GABRB2: variants seen among roughly 807,000 people sequenced by gnomAD.
The protein encoded by GABRB2 is gamma-aminobutyric acid type A receptor subunit beta2, also known as gamma-aminobutyric acid receptor subunit beta-2.
GABRB2 carries 16 observed loss-of-function variants against 54.7 expected under a neutral mutation model. The ratio of observed to expected loss-of-function variants is 0.29; its 90% CI spans 0.20 to 0.44. The LOEUF (loss-of-function observed/expected upper bound fraction) is 0.44, where lower values mean the gene tolerates loss of function less well. GABRB2 is among the 20% of genes least tolerant of loss of function. The probability of loss-of-function intolerance (pLI) is 1.00; values close to 1 mark genes in which losing one functional copy is unlikely to be tolerated. For missense variants in GABRB2, 355 were observed against 644.0 expected, an observed-to-expected ratio of 0.55 and a Z score of 4.86; for synonymous variants, 244 against 233.8, an observed-to-expected ratio of 1.04 and a Z score of -0.40.
At chr5:161,471,167 G>A (rs180837541) in intron 3 of GABRB2, among the ~76,000 whole-genome samples, 14 of 152,030 alleles carry the variant, frequency 9.2e-5, no homozygotes, top group African/African-American at 3.4e-4. Flanking sequence ...TCCCACAGCT[G>A]GGAATAAGGA....
At chr5:161,543,074 A>C (rs1267425110) in intron 3 of GABRB2, among the ~76,000 whole-genome samples, 1 of 152,260 alleles carries the variant, frequency 6.6e-6, no homozygotes, top group Admixed American at 6.5e-5. Context: ...TGGGTGTAGC[A>C]TAAGGCTAAG....
At chr5:161,465,752 C>T in intron 3 of GABRB2, among the ~76,000 whole-genome samples, 1 of 152,056 alleles carries the variant, frequency 6.6e-6, no homozygotes, top group Non-Finnish European at 1.5e-5. Flanking sequence ...CATACACACA[C>T]ATACATATAC....
intron 5 of GABRB2, among the ~76,000 whole-genome samples, chr5:161,368,905 G>A (rs1159890176): frequency 6.6e-6 from 1 of 152,114 alleles, no homozygotes; most frequent in East Asian, 1.9e-4. Flanking sequence ...TTTACTTAAG[G>A]TAAAGGCTTC....
intron 9 of GABRB2, among the ~76,000 whole-genome samples, chr5:161,316,769 G>T (rs1368475768): frequency 1.3e-5 from 2 of 151,914 alleles, no homozygotes; most frequent in African/African-American, 2.4e-5. Flanking sequence ...CTGCCATTAT[G>T]CCTGGCTAAT....
rs1758134691 is a variant in GABRB2, at chr5:161,462,154, AT to A, written c.238-2311del. ...AAACTTCTATCCTATCAAAAGACAT[AT>A]TAATATCCTAAATGTGTATCAAATA... On this transcript the variant is annotated intron_variant, in intron 3 of 9. Transcript: ENST00000393959. Among the ~76,000 whole-genome samples the A allele has an allele frequency of 5.3e-5, 8 of 152,288 alleles. No homozygotes were observed. In the South Asian group the frequency reaches 1.7e-3, roughly 32 times the overall value.
At chr5:161,482,753 AT>A (rs1201206233) in intron 3 of GABRB2, among the ~76,000 whole-genome samples, 1 of 152,134 alleles carries the variant, frequency 6.6e-6, no homozygotes, top group Non-Finnish European at 1.5e-5. Context: ...GACAAGGCTA[AT>A]AAAATACTAT....
intron 4 of GABRB2, among the ~76,000 whole-genome samples, chr5:161,437,596 G>C (rs1334080577): frequency 6.6e-6 from 1 of 152,028 alleles, no homozygotes; most frequent in African/African-American, 2.4e-5. Context: ...GTGGGCTCTT[G>C]GGGTCCCCTA....
chr5:161,302,484 C>G (rs995098971), intron 9 of GABRB2, among the ~76,000 whole-genome samples: 3 of 152,084 alleles, frequency 2.0e-5, no homozygotes, highest in Admixed American at 1.3e-4. Flanking sequence ...AAAAACAACT[C>G]AAATCCCTCA....
At chr5:161,371,748 G>T (rs749878349) in intron 5 of GABRB2, among the ~76,000 whole-genome samples, 72 of 152,034 alleles carry the variant, frequency 4.7e-4, no homozygotes, top group Non-Finnish European at 8.8e-4. Flanking sequence ...TTGAGACAGG[G>T]TCTCACTCTG....
At chr5:161,481,161 T>C (rs1250068943) in intron 3 of GABRB2, among the ~76,000 whole-genome samples, 2 of 152,062 alleles carry the variant, frequency 1.3e-5, no homozygotes, top group Non-Finnish European at 2.9e-5. Flanking sequence ...CAGCATTTTA[T>C]ATACTAAATC....
At chr5:161,534,297 G>T (rs146602458) in intron 3 of GABRB2, among the ~76,000 whole-genome samples, 2,303 of 152,272 alleles carry the variant, frequency 0.015, 65 homozygotes, top group Middle Eastern at 0.024. Flanking sequence ...GCCCTGACAA[G>T]AGAGAATTAT....
chr5:161,318,237 A>G lies in GABRB2; in HGVS notation c.1191+8131T>C, dbSNP rs1384829512. ...ATATATAGAAATTAAATATTTTTGC[A>G]AGGTTAAGAATACTATCATTCTTTT... On this transcript the variant is annotated intron_variant, in intron 9 of 9. Transcript: ENST00000393959. Among the ~76,000 whole-genome samples the G allele has an allele frequency of 4.6e-5, 7 of 152,130 alleles. No individual in the cohort carries two copies. The South Asian group carries it at 1.4e-3, about 31-fold the overall frequency.
At chr5:161,460,110 C>A (rs1561658147) in intron 3 of GABRB2, among the ~76,000 whole-genome samples, 1 of 152,032 alleles carries the variant, frequency 6.6e-6, no homozygotes, top group Non-Finnish European at 1.5e-5. Flanking sequence ...GCACCCAGCT[C>A]TTTGTTTGTA....
In GABRB2 at chr5:161,498,778, G is replaced by A. The variant is rs923788106; in HGVS notation, c.238-38934C>T. Among the ~76,000 whole-genome samples, 3 of 152,062 alleles carry A rather than the reference G, an allele frequency of 2.0e-5. No individual in the cohort carries two copies. In the South Asian group the frequency reaches 6.2e-4, roughly 32 times the overall value. On this transcript the variant is annotated intron_variant, in intron 3 of 9. Coordinates refer to ENST00000393959, the MANE Select transcript of GABRB2 (RefSeq NM_001371727.1). ...CATAAAACCCCTTGTGGCTTGAATG[G>A]AATCCAAGGCTCAGGGCATAAAAGC...
In GABRB2 at chr5:161,513,275, C is replaced by G. The variant is rs910673891; in HGVS notation, c.237+31952G>C. Among the ~76,000 whole-genome samples the G allele has an allele frequency of 2.0e-5, 3 of 152,000 alleles. No homozygotes were observed. In the South Asian group the frequency reaches 6.2e-4, roughly 31 times the overall value. On this transcript the variant is annotated intron_variant, in intron 3 of 9. Coordinates refer to ENST00000393959, the MANE Select transcript of GABRB2 (RefSeq NM_001371727.1). ...ACCATTCGACCCAGCAATCCCATTA[C>G]TGGATATATATTCAATGGAAAATAA... is the stretch of plus-strand genomic sequence containing the variant.
intron 3 of GABRB2, among the ~76,000 whole-genome samples, chr5:161,473,269 G>A (rs774629570): frequency 3.3e-5 from 5 of 151,950 alleles, no homozygotes; most frequent in African/African-American, 4.8e-5. Context: ...CCATCCCATA[G>A]AGAAACTCAG....
Position 161,292,380 on chromosome 5 carries a change from A to G in GABRB2, c.*1701T>C, listed in dbSNP as rs139564044. On this transcript the variant is annotated 3_prime_UTR_variant, in exon 10 of 10. Transcript: ENST00000393959. Reference sequence around the variant, plus strand: ...CCAAGAAAAAGTTCAATCAAATTCAACTTTAAGGAAAATTTAGCAATTCAC... The same window carrying G: ...CCAAGAAAAAGTTCAATCAAATTCAGCTTTAAGGAAAATTTAGCAATTCAC... 3 of 152,222 alleles carry G rather than the reference A, an allele frequency of 2.0e-5. No homozygotes were observed. The highest frequency in any genetic ancestry group is 2.0e-4 in the Admixed American group (3 of 15,280). 9.4% of individuals were successfully genotyped at this position (152,222 alleles called of 1,614,324 possible). A position where few individuals can be genotyped will look rare whatever the true frequency, so the allele number is the denominator to read the frequency against.
At chr5:161,493,625 T>A (rs889786771) in intron 3 of GABRB2, among the ~76,000 whole-genome samples, 2 of 151,796 alleles carry the variant, frequency 1.3e-5, no homozygotes, top group Admixed American at 1.3e-4. Flanking sequence ...GCTGTCTTTA[T>A]ACCATTGATT....
intron 3 of GABRB2, among the ~76,000 whole-genome samples, chr5:161,479,707 A>G (rs1758700821): frequency 6.6e-6 from 1 of 150,886 alleles, no homozygotes; most frequent in Non-Finnish European, 1.5e-5. Flanking sequence ...CTCCTGCTTC[A>G]GCCTCCTGAG....
Sources: gnomAD v4.1 joint callset for allele counts (sites outside exome capture counted in the v4.1 genomes callset) on GRCh38, gnomAD v4.1.1 for gene constraint, MANE v1.5 for transcripts, NCBI Gene and HGNC (gene_info 2026-07-23, HGNC 2026-07-21) for gene names.